ZNF704: variants seen among roughly 807,000 people sequenced by gnomAD.
ZNF704 encodes the protein zinc finger protein 704.
ZNF704 carries 10 observed loss-of-function variants against 44.7 expected under a neutral mutation model. The ratio of observed to expected loss-of-function variants is 0.22; its 90% CI spans 0.14 to 0.38. The LOEUF (loss-of-function observed/expected upper bound fraction) is 0.38, where lower values mean the gene tolerates loss of function less well. Ranked by LOEUF, ZNF704 falls within the 10% of genes least tolerant of loss-of-function variation. The pLI is 1.00. For missense variants in ZNF704, 390 were observed against 545.5 expected, an observed-to-expected ratio of 0.71 and a Z score of 2.84; for synonymous variants, 211 against 207.6, an observed-to-expected ratio of 1.02 and a Z score of -0.14.
chr8:80,780,529 T>C (rs1465539871), intron 2 of ZNF704, among the ~76,000 whole-genome samples: 4 of 152,228 alleles, frequency 2.6e-5, no homozygotes, highest in South Asian at 2.1e-4. Flanking sequence ...GAGGTCTTTG[T>C]AGCTTTGCTG....
chr8:80,708,758 A>G (rs571826404), intron 2 of ZNF704, among the ~76,000 whole-genome samples: 2 of 152,144 alleles, frequency 1.3e-5, no homozygotes, highest in Non-Finnish European at 2.9e-5. Context: ...CCAGTTCTAC[A>G]CTATTATGAA....
intron 2 of ZNF704, among the ~76,000 whole-genome samples, chr8:80,729,872 T>G (rs921175143): frequency 1.8e-4 from 28 of 152,236 alleles, no homozygotes; most frequent in Admixed American, 5.9e-4. Context: ...GAATAGAGTT[T>G]GATTACTGCC....
At chr8:80,810,542 A>C (rs563032636) in intron 2 of ZNF704, among the ~76,000 whole-genome samples, 1 of 152,172 alleles carries the variant, frequency 6.6e-6, no homozygotes, top group African/African-American at 2.4e-5. Context: ...AGCCTACAGT[A>C]TGTTTACTTG....
At chr8:80,804,322 G>A (rs946215273) in intron 2 of ZNF704, among the ~76,000 whole-genome samples, 11 of 152,090 alleles carry the variant, frequency 7.2e-5, no homozygotes, top group Non-Finnish European at 1.6e-4. Context: ...TCCCATTACT[G>A]GGTATATACT....
At chr8:80,722,655 G>A (rs1327078784) in intron 2 of ZNF704, among the ~76,000 whole-genome samples, 1 of 152,170 alleles carries the variant, frequency 6.6e-6, no homozygotes, top group African/African-American at 2.4e-5. Context: ...AAGCAACTCA[G>A]CTTTTTTAAA....
At chr8:80,864,140 A>C (rs1007685436) in intron 1 of ZNF704, among the ~76,000 whole-genome samples, 1 of 152,236 alleles carries the variant, frequency 6.6e-6, no homozygotes, top group Non-Finnish European at 1.5e-5. Flanking sequence ...CTCAATACTG[A>C]AGAGTTATCA....
Position 80,665,096 on chromosome 8 carries a change from G to C in ZNF704, c.660-14C>G. On this transcript the variant is annotated splice_polypyrimidine_tract_variant and intron_variant, in intron 5 of 8. Transcript: ENST00000327835. The stretch of plus-strand genomic sequence containing the variant: ...TCTCCAACGCGCCTAATGCAAAAGA[G>C]AGTAAAACAATCATACTAAGCCAAT... The C allele has an allele frequency of 1.9e-6, 3 of 1,612,108 alleles. No individual in the cohort carries two copies. Among genetic ancestry groups the C allele is most frequent in the Admixed American group, 1.7e-5 (1 of 60,000 alleles).
chr8:80,873,972 C>G (rs914608493), intron 1 of ZNF704, among the ~76,000 whole-genome samples: 1 of 146,180 alleles, frequency 6.8e-6, no homozygotes, highest in Non-Finnish European at 1.5e-5. Context: ...GGCGCCGGCC[C>G]GGCAGGCTGC....
intron 2 of ZNF704, among the ~76,000 whole-genome samples, chr8:80,784,171 T>C (rs1586025199): frequency 6.6e-6 from 1 of 152,336 alleles, no homozygotes; most frequent in East Asian, 1.9e-4. Flanking sequence ...ATTCACCTAC[T>C]GAAGGACGTC....
At chr8:80,834,823 G>C (rs573173783) in intron 1 of ZNF704, among the ~76,000 whole-genome samples, 50 of 152,178 alleles carry the variant, frequency 3.3e-4, no homozygotes, top group Admixed American at 9.8e-4. Flanking sequence ...TGAGGATGAT[G>C]GTTTCCAGCT....
chr8:80,761,219 C>T lies in ZNF704; in HGVS notation c.221+60155G>A, dbSNP rs143132229. Among the ~76,000 whole-genome samples, 618 of 152,218 alleles carry T rather than the reference C, an allele frequency of 4.1e-3. 6 individuals are homozygous for T. Among genetic ancestry groups the T allele is most frequent in the South Asian group, 0.028 (135 of 4,812 alleles). ...AGCAGCTTCACCAGATACCAAATGC[C>T]GACACCTTGATCTTAGACTTCTCAG... On this transcript the variant is annotated intron_variant, in intron 2 of 8. Transcript: ENST00000327835.
At chr8:80,691,405 A>G (rs1444395158) in intron 3 of ZNF704, among the ~76,000 whole-genome samples, 5 of 152,244 alleles carry the variant, frequency 3.3e-5, no homozygotes, top group Non-Finnish European at 2.9e-5. Context: ...TGGAAAACTC[A>G]GTCTTTTTAA....
At chr8:80,652,574 T>C (rs1408142213) in intron 7 of ZNF704, among the ~76,000 whole-genome samples, 1 of 152,052 alleles carries the variant, frequency 6.6e-6, no homozygotes, top group Admixed American at 6.5e-5. Context: ...CTAGAAGAAA[T>C]GGATAAATTC....
At chr8:80,645,234 A>T in intron 7 of ZNF704, 1 of 1,494,590 alleles carries the variant, frequency 6.7e-7, no homozygotes, top group Non-Finnish European at 9.1e-7. Flanking sequence ...AGAATGTTTC[A>T]ACTAATTAAT....
At chr8:80,795,734 A>C (rs1807789878) in intron 2 of ZNF704, among the ~76,000 whole-genome samples, 1 of 151,398 alleles carries the variant, frequency 6.6e-6, no homozygotes, top group African/African-American at 2.5e-5. Flanking sequence ...AAAAAAAAAA[A>C]ACAGTATTTC....
chr8:80,818,283 T>C (rs1808209930), intron 2 of ZNF704, among the ~76,000 whole-genome samples: 1 of 152,140 alleles, frequency 6.6e-6, no homozygotes, highest in Non-Finnish European at 1.5e-5. Context: ...CTCTGCATTC[T>C]ATGGGCCTAA....
intron 2 of ZNF704, among the ~76,000 whole-genome samples, chr8:80,767,447 T>C (rs1245465429): frequency 6.6e-6 from 1 of 152,048 alleles, no homozygotes; most frequent in Non-Finnish European, 1.5e-5. Context: ...TGCATAATAG[T>C]TGCTAAACAA....
At chr8:80,802,318 C>A (rs1053347547) in intron 2 of ZNF704, among the ~76,000 whole-genome samples, 1 of 152,090 alleles carries the variant, frequency 6.6e-6, no homozygotes, top group African/African-American at 2.4e-5. Context: ...GGAGGGACTC[C>A]TCCCTAACTC....
chr8:80,811,145 T>C (rs1180462848), intron 2 of ZNF704, among the ~76,000 whole-genome samples: 1 of 152,200 alleles, frequency 6.6e-6, no homozygotes, highest in Non-Finnish European at 1.5e-5. Flanking sequence ...TATAGATCAC[T>C]TGAAATGTGC....
Sources: allele counts gnomAD v4.1 joint callset (sites outside exome capture counted in the v4.1 genomes callset), GRCh38; gene constraint gnomAD v4.1.1; transcripts MANE v1.5; gene names NCBI Gene and HGNC (gene_info 2026-07-23, HGNC 2026-07-21).